RENBP: variants seen among roughly 807,000 people sequenced by gnomAD.
The protein encoded by RENBP is renin binding protein, also known as N-acylglucosamine 2-epimerase.
RENBP carries 16 observed loss-of-function variants against 37.8 expected under a neutral mutation model. That is an observed-to-expected ratio of 0.42 (90% confidence interval 0.29 to 0.64). The LOEUF (loss-of-function observed/expected upper bound fraction) is 0.64. Among genes scored for constraint, RENBP ranks in the 30% least tolerant of loss-of-function variants. RENBP has a pLI of 0.19. For synonymous variants in RENBP, 170 were observed against 154.8 expected (o/e 1.10, Z -0.73); for missense variants, 347 against 379.5 (o/e 0.91, Z 0.71).
In RENBP at chrX:153,943,732, G is replaced by C; in HGVS notation, c.290-14C>G. 8.3e-7 allele frequency: 1 copy of C among 1,206,203 alleles called. No homozygotes were observed. Among genetic ancestry groups the C allele is most frequent in the Non-Finnish European group, 1.1e-6 (1 of 892,343 alleles). On this transcript the variant is annotated splice_polypyrimidine_tract_variant and intron_variant, in intron 4 of 10. Transcript: ENST00000393700. ...AGAACTCACCACCTGGAGGTTGGGG[G>C]GTTGGCATGCCAGGGGTAAGGCCAG...
In RENBP at chrX:153,940,092, C is replaced by T. The variant is rs2065219848; in HGVS notation, c.1077+10G>A. ...TCAGCCTCTAGAGGGGACAAGGAGGCAGCTCTCACCTGGCGGAAGGTGTAC... is the reference window on the plus strand; with the variant it reads ...TCAGCCTCTAGAGGGGACAAGGAGGTAGCTCTCACCTGGCGGAAGGTGTAC... On this transcript the variant is annotated intron_variant, in intron 9 of 10. Coordinates refer to ENST00000393700, the MANE Select transcript of RENBP (RefSeq NM_002910.6). 8.3e-7 allele frequency: 1 copy of T among 1,210,675 alleles called. No homozygotes were observed. Among genetic ancestry groups the T allele is most frequent in the Non-Finnish European group, 1.1e-6 (1 of 894,969 alleles).
At chrX:153,941,359 G>A (rs1346065451) in intron 8 of RENBP, 119 bp downstream of exon 8, 2 of 700,777 alleles carry the variant, frequency 2.9e-6, no homozygotes, top group Non-Finnish European at 4.2e-6. Flanking sequence ...CACAGAAGCT[G>A]AGAGCAGGCC....
intron 9 of RENBP, among the ~76,000 whole-genome samples, chrX:153,936,685 AACTCATC>A (rs1557108641): frequency 9.1e-6 from 1 of 110,067 alleles, no homozygotes; most frequent in African/African-American, 3.3e-5. Context: ...ATTGGTCCCA[AACTCATC>A]TCCTCCTCCC....
At chrX:153,943,303 C>G (rs1426116318) in intron 5 of RENBP, among the ~76,000 whole-genome samples, 1 of 112,553 alleles carries the variant, frequency 8.9e-6, no homozygotes, top group Non-Finnish European at 1.9e-5. Context: ...GCTGTGGGGT[C>G]AGGGTCTGGC....
At chrX:153,935,705 G>A in intron 9 of RENBP, 129 bp from the exon 10 acceptor site, 2 of 514,228 alleles carry the variant, frequency 3.9e-6, no homozygotes, top group South Asian at 5.6e-5. Flanking sequence ...TCTTAACCGC[G>A]ACACTGCGTC....
Position 153,935,306 on chromosome X carries a change from C to T in RENBP, c.1264G>A (p.Ala422Thr). The part of the protein sequence containing the change: ...APAPSPAPTP[A>T]CRGAE ...AGCCTTTATTCCGCGCCTCGGCAGG[C>T]GGGGGTGGGGGCGGGGGAGGGGGCG... Residue 422 changes from alanine (A) to threonine (T), a missense_variant, in exon 11 of 11, where the codon GCC (alanine) becomes ACC (threonine). By Grantham distance (58) the Ala-to-Thr change is moderately conservative. Transcript: ENST00000393700. 1 of 792,231 alleles carries T rather than the reference C, an allele frequency of 1.3e-6. No individual in the cohort carries two copies. The highest frequency in any genetic ancestry group is 1.6e-6 in the Non-Finnish European group (1 of 607,034). The allele number at this position is 792,231 out of a possible 1,213,427, so 65.3% of individuals were successfully genotyped here.
intron 9 of RENBP, among the ~76,000 whole-genome samples, chrX:153,937,397 G>A (rs1464768609): frequency 1.8e-5 from 2 of 110,158 alleles, no homozygotes; most frequent in South Asian, 3.8e-4. Flanking sequence ...GTTGGTTGAT[G>A]CATAATGACT....
rs377725039 is a variant in RENBP, at chrX:153,944,465, G to GCC, written c.28-49_28-48dup. 1,071 of 1,166,888 alleles carry GCC rather than the reference G, an allele frequency of 9.2e-4. 6 individuals are homozygous for GCC. In the African/African-American group the frequency reaches 0.018, roughly 19 times the overall value. On this transcript the variant is annotated intron_variant, in intron 1 of 10. Transcript: ENST00000393700. ...GGCGCAGCCCCCACATGGGACCTAG[G>GCC]CCCCCCCAGCCTCGGGAACCAGCCC...
chrX:153,943,399 T>G, intron 5 of RENBP, 147 bp downstream of exon 5: 3 of 592,062 alleles, frequency 5.1e-6, no homozygotes, highest in Non-Finnish European at 7.9e-6. Context: ...TGCGCCCCTG[T>G]GGGGGTAGGG....
chrX:153,942,935 C>A lies in RENBP; in HGVS notation c.607G>T (p.Gly203Trp), dbSNP rs782174022. ...CCCGCCAGCTCCTCATCTGCCTCCC[C>A]GAGCTGCTCCACCAGGTTCAGTAGC... The part of the protein sequence containing the change: ...MMLLNLVEQL[G>W]EADEELAGKY... Residue 203 changes from glycine (G) to tryptophan (W), a missense_variant, in exon 6 of 11, where the codon GGG (glycine) becomes TGG (tryptophan). Transcript: ENST00000393700. The A allele has an allele frequency of 8.3e-7, 1 of 1,211,420 alleles. No individual in the cohort carries two copies. Among genetic ancestry groups the A allele is most frequent in the Non-Finnish European group, 1.1e-6 (1 of 895,299 alleles).
At chrX:153,941,416 C>A in intron 8 of RENBP, 62 bp downstream of exon 8, 1 of 1,147,457 alleles carries the variant, frequency 8.7e-7, no homozygotes, top group Non-Finnish European at 1.2e-6. Context: ...GAAGCAACCA[C>A]CTCCCTGGGC....
intron 2 of RENBP, 76 bp downstream of exon 2, chrX:153,944,233 T>C (rs1374231025): frequency 5.1e-5 from 59 of 1,166,743 alleles, no homozygotes; most frequent in Non-Finnish European, 6.4e-5. Flanking sequence ...AGCAAATCTG[T>C]GAGGTGCCTG....
intron 8 of RENBP, among the ~76,000 whole-genome samples, chrX:153,940,515 A>C (rs1557109356): frequency 1.8e-5 from 2 of 111,441 alleles, no homozygotes; most frequent in Non-Finnish European, 3.8e-5. Context: ...AACCAGAGCA[A>C]CTCCATCTTA....
At chrX:153,941,384 C>T in intron 8 of RENBP, 94 bp downstream of exon 8, 1 of 955,471 alleles carries the variant, frequency 1.0e-6, no homozygotes, top group Non-Finnish European at 1.5e-6. Flanking sequence ...GGTTCCAATC[C>T]AGCCCCAGGT....
In RENBP at chrX:153,944,589, G is replaced by A. The variant is rs782730497; in HGVS notation, c.22C>T (p.Arg8Ter). 1.4e-4 allele frequency: 159 copies of A among 1,165,609 alleles called. No individual in the cohort carries two copies. In the East Asian group the frequency reaches 4.7e-3, roughly 35 times the overall value. ...CCAAGCACCCCACCACTGGCCTGTCGCGCTGGGAGACCCTTGCTCATCCCT... is the reference window on the plus strand; with the variant it reads ...CCAAGCACCCCACCACTGGCCTGTCACGCTGGGAGACCCTTGCTCATCCCT... Reference protein sequence around the residue: MSKGLPARQDMEKERETL... With the variant: MSKGLPA The change falls in exon 1 of 11, where the codon CGA becomes TGA. Residue 8 changes from arginine (R) to a stop codon, truncating the protein, a stop_gained. Coordinates refer to ENST00000393700, the MANE Select transcript of RENBP (RefSeq NM_002910.6). LOFTEE classifies it high-confidence loss of function.
At chrX:153,937,607 A>C (rs1234703903) in intron 9 of RENBP, among the ~76,000 whole-genome samples, 1 of 109,480 alleles carries the variant, frequency 9.1e-6, no homozygotes, top group African/African-American at 3.3e-5. Context: ...AAGCCCGGCT[A>C]ATTTATTTAT....
At position 153,940,217 on chromosome X, in the gene RENBP, T is replaced by C. The variant is rs782816254; in HGVS notation, c.962A>G (p.Lys321Arg). ...FCPTQLEWAM[K>R]LWWPHSEAMI... ...GGCTTCACTGTGTGGCCACCAGAGCTTCATGGCCCACTCCAGCTGAGGGGA... is the reference window on the plus strand; with the variant it reads ...GGCTTCACTGTGTGGCCACCAGAGCCTCATGGCCCACTCCAGCTGAGGGGA... Residue 321 changes from lysine (K) to arginine (R), a missense_variant, in exon 9 of 11, where the codon AAG becomes AGG. Physicochemically the swap from Lys to Arg is conservative, Grantham distance 26. Coordinates refer to ENST00000393700, the MANE Select transcript of RENBP (RefSeq NM_002910.6). 3 of 1,208,655 alleles carry C rather than the reference T, an allele frequency of 2.5e-6. No homozygotes were observed. The highest frequency in any genetic ancestry group is 3.4e-6 in the Non-Finnish European group (3 of 894,842).
intron 8 of RENBP, 152 bp downstream of exon 8, chrX:153,941,326 C>A: frequency 1.8e-6 from 1 of 540,877 alleles, no homozygotes; most frequent in South Asian, 3.5e-5. Flanking sequence ...GTCTGGATCA[C>A]GACCCCTTTC....
At position 153,935,300 on chromosome X, in the gene RENBP, G is replaced by A; in HGVS notation, c.1270C>T (p.Arg424Ter). 1 of 898,116 alleles carries A rather than the reference G, an allele frequency of 1.1e-6. No individual in the cohort carries two copies. The highest frequency in any genetic ancestry group is 1.5e-6 in the Non-Finnish European group (1 of 684,627). The allele number at this position is 898,116 out of a possible 1,213,427, so 74.0% of individuals were successfully genotyped here. ...APSPAPTPACRGAE is the reference protein window; with the variant it reads ...APSPAPTPAC Reference sequence around the variant, plus strand: ...GGACTCAGCCTTTATTCCGCGCCTCGGCAGGCGGGGGTGGGGGCGGGGGAG... The same window carrying A: ...GGACTCAGCCTTTATTCCGCGCCTCAGCAGGCGGGGGTGGGGGCGGGGGAG... The change falls in exon 11 of 11, where the codon CGA (arginine) becomes TGA (stop). Residue 424 changes from arginine (R) to a stop codon, truncating the protein, a stop_gained. Transcript: ENST00000393700. LOFTEE classifies it high-confidence loss of function.
Sources: gnomAD v4.1 joint callset for allele counts (sites outside exome capture counted in the v4.1 genomes callset) on GRCh38, gnomAD v4.1.1 for gene constraint, MANE v1.5 for transcripts, NCBI Gene and HGNC (gene_info 2026-07-23, HGNC 2026-07-21) for gene names.